The following ALCAM variants were observed in gnomAD, a reference collection of about 807,000 sequenced individuals.
ALCAM encodes CD166 antigen.
ALCAM carries 30 observed loss-of-function variants against 70.9 expected under a neutral mutation model. The observed-to-expected ratio is 0.42, with a 90% CI of 0.32 to 0.57. The LOEUF (loss-of-function observed/expected upper bound fraction) is 0.57, where lower values mean the gene tolerates loss of function less well. Ranked by LOEUF, ALCAM falls within the 20% of genes least tolerant of loss-of-function variation. ALCAM has a pLI of 0.11. For synonymous variants in ALCAM, 249 were observed against 242.5 expected, an observed-to-expected ratio of 1.03 and a Z score of -0.25; for missense variants, 591 against 695.1, an observed-to-expected ratio of 0.85 and a Z score of 1.68.
chr3:105,549,896 A>T (rs1282519781), intron 11 of ALCAM, among the ~76,000 whole-genome samples: 2 of 151,404 alleles, frequency 1.3e-5, no homozygotes, highest in Non-Finnish European at 3.0e-5. Flanking sequence ...AGTTTAATTA[A>T]CTTAATTATT....
chr3:105,548,829 A>G (rs569535494), intron 11 of ALCAM, among the ~76,000 whole-genome samples: 1 of 151,550 alleles, frequency 6.6e-6, no homozygotes, highest in Non-Finnish European at 1.5e-5. Flanking sequence ...ATCTATTTTT[A>G]GCATCAAAAA....
intron 1 of ALCAM, among the ~76,000 whole-genome samples, chr3:105,436,002 T>C (rs1008005632): frequency 6.6e-6 from 1 of 152,110 alleles, no homozygotes; most frequent in African/African-American, 2.4e-5. Context: ...GCAAGTCACA[T>C]CTTACATGGA....
chr3:105,368,223 AAGAGAGAGAGAGAG>A lies in ALCAM; in HGVS notation c.73+770_73+783del, dbSNP rs5851454. On this transcript the variant is annotated intron_variant, in intron 1 of 15. Coordinates refer to ENST00000306107, the MANE Select transcript of ALCAM (RefSeq NM_001627.4). ...TTCTCAGTTCTGTACTGAGTCTTGG[AAGAGAGAGAGAGAG>A]AGAGAGAGAGAGAGAGAGAGAGAGA... Among the ~76,000 whole-genome samples the A allele has an allele frequency of 1.7e-3, 118 of 67,832 alleles. 2 individuals carry two copies. The highest frequency in any genetic ancestry group is 6.3e-3 in the African/African-American group (113 of 18,072). 44.5% of individuals were successfully genotyped at this position (67,832 alleles called of 152,430 possible). A position where few individuals can be genotyped will look rare whatever the true frequency, so the allele number is the denominator to read the frequency against.
intron 1 of ALCAM, among the ~76,000 whole-genome samples, chr3:105,419,650 C>A (rs920622043): frequency 1.1e-4 from 16 of 151,654 alleles, no homozygotes; most frequent in Admixed American, 8.6e-4. Flanking sequence ...AGAAAAATTT[C>A]CCATAGGGAA....
At chr3:105,414,594 A>G (rs975390226) in intron 1 of ALCAM, among the ~76,000 whole-genome samples, 4 of 152,094 alleles carry the variant, frequency 2.6e-5, no homozygotes, top group Non-Finnish European at 5.9e-5. Flanking sequence ...ATGAACAAAG[A>G]AAGACTTGGA....
At chr3:105,468,353 T>C (rs1937810625) in intron 1 of ALCAM, among the ~76,000 whole-genome samples, 1 of 151,460 alleles carries the variant, frequency 6.6e-6, no homozygotes, top group African/African-American at 2.4e-5. Context: ...GCTTCAATAG[T>C]AAGGCTGAGA....
At chr3:105,393,434 G>T (rs1313383767) in intron 1 of ALCAM, among the ~76,000 whole-genome samples, 4 of 151,782 alleles carry the variant, frequency 2.6e-5, no homozygotes, top group Non-Finnish European at 5.9e-5. Flanking sequence ...TTTAAATTTT[G>T]TATCAATAAT....
At chr3:105,506,063 C>T (rs1315702088) in intron 1 of ALCAM, among the ~76,000 whole-genome samples, 1 of 152,120 alleles carries the variant, frequency 6.6e-6, no homozygotes, top group Non-Finnish European at 1.5e-5. Flanking sequence ...CTTTGTTGAA[C>T]AGCTCCCTGT....
intron 1 of ALCAM, among the ~76,000 whole-genome samples, chr3:105,481,060 G>T (rs1396847100): frequency 6.6e-6 from 1 of 152,012 alleles, no homozygotes; most frequent in Non-Finnish European, 1.5e-5. Context: ...ATATAAGAAG[G>T]TTTTTGTTTG....
At chr3:105,484,271 A>G (rs1278650860) in intron 1 of ALCAM, among the ~76,000 whole-genome samples, 1 of 150,112 alleles carries the variant, frequency 6.7e-6, no homozygotes, top group African/African-American at 2.4e-5. Flanking sequence ...CTTTTGTTAC[A>G]TATACTTTTT....
intron 7 of ALCAM, 34 bp from the exon 8 acceptor site, chr3:105,541,598 AG>A (rs763488899): frequency 6.2e-7 from 1 of 1,606,732 alleles, no homozygotes; most frequent in African/African-American, 1.3e-5. Flanking sequence ...GTAGCGACCA[AG>A]TATAATCATC....
intron 1 of ALCAM, among the ~76,000 whole-genome samples, chr3:105,517,157 G>A (rs781272335): frequency 2.6e-5 from 4 of 152,046 alleles, no homozygotes; most frequent in South Asian, 2.1e-4. Context: ...CCTAGGGGGC[G>A]CGAGATGTTA....
chr3:105,396,881 C>G (rs1440328854), intron 1 of ALCAM, among the ~76,000 whole-genome samples: 1 of 151,986 alleles, frequency 6.6e-6, no homozygotes, highest in Non-Finnish European at 1.5e-5. Context: ...TCATAAAAAG[C>G]ATATGTATAC....
intron 14 of ALCAM, among the ~76,000 whole-genome samples, chr3:105,563,605 G>A (rs942823574): frequency 2.2e-5 from 3 of 137,270 alleles, no homozygotes; most frequent in African/African-American, 8.4e-5. Flanking sequence ...TTCAGTGAAT[G>A]TTTCCCTGTG....
chr3:105,495,313 G>A (rs1240844028), intron 1 of ALCAM, among the ~76,000 whole-genome samples: 4 of 152,148 alleles, frequency 2.6e-5, no homozygotes, highest in Admixed American at 2.6e-4. Context: ...CTTGGGGGCT[G>A]CTGATATCTC....
chr3:105,496,459 G>A (rs978585255), intron 1 of ALCAM, among the ~76,000 whole-genome samples: 1 of 151,822 alleles, frequency 6.6e-6, no homozygotes, highest in Admixed American at 6.6e-5. Context: ...GAAAGAGGAA[G>A]GAAAGTTAAT....
At chr3:105,468,426 T>A (rs1003215607) in intron 1 of ALCAM, among the ~76,000 whole-genome samples, 5 of 151,292 alleles carry the variant, frequency 3.3e-5, no homozygotes, top group Non-Finnish European at 7.4e-5. Context: ...ACTCTTCTTT[T>A]AATCATCAGA....
chr3:105,396,336 A>G (rs1441371590), intron 1 of ALCAM, among the ~76,000 whole-genome samples: 2 of 151,940 alleles, frequency 1.3e-5, no homozygotes, highest in Non-Finnish European at 2.9e-5. Context: ...GATCTTCCTG[A>G]GAATCTTTGA....
At chr3:105,506,894 A>G (rs1939094670) in intron 1 of ALCAM, among the ~76,000 whole-genome samples, 1 of 152,200 alleles carries the variant, frequency 6.6e-6, no homozygotes, top group Admixed American at 6.5e-5. Flanking sequence ...GTGCTGTTGG[A>G]AAGTCAGCAC....
Sources: allele counts gnomAD v4.1 joint callset (sites outside exome capture counted in the v4.1 genomes callset), GRCh38; gene constraint gnomAD v4.1.1; transcripts MANE v1.5; gene names NCBI Gene and HGNC (gene_info 2026-07-23, HGNC 2026-07-21).